The following ANO10 variants were observed in gnomAD, a reference collection of about 807,000 sequenced individuals.
ANO10 encodes anoctamin-10.
Under a neutral mutation model 74.7 loss-of-function variants are expected in ANO10, and 77 were observed. The observed-to-expected ratio is 1.03, with a 90% CI of 0.86 to 1.25. The LOEUF (loss-of-function observed/expected upper bound fraction) is 1.25. Ranked by LOEUF, ANO10 falls within the 50% of genes most tolerant of loss-of-function variation. The pLI, the probability that ANO10 is intolerant of heterozygous loss-of-function variation, is 0.00. For synonymous variants in ANO10, 279 were observed against 284.9 expected (o/e 0.98, Z 0.21); for missense variants, 721 against 778.1 (o/e 0.93, Z 0.87).
Position 43,443,679 on chromosome 3 carries a change from CT to C in ANO10, c.1798-10953del, listed in dbSNP as rs59685910. Among the ~76,000 whole-genome samples the C allele has an allele frequency of 6.6e-4, 80 of 122,018 alleles. 1 individual carries two copies. Among genetic ancestry groups the C allele is most frequent in the African/African-American group, 1.9e-3 (59 of 31,490 alleles). 80.0% of individuals were successfully genotyped at this position (122,018 alleles called of 152,430 possible). On this transcript the variant is annotated intron_variant, in intron 11 of 12. Coordinates refer to ENST00000292246, the MANE Select transcript of ANO10 (RefSeq NM_018075.5). ...TGAAAAGTATTTTACTTCCTTCCTT[CT>C]TTTTTTTTTTTTTTTTTTTGACGGA...
At chr3:43,507,664 G>C (rs2077346244) in intron 11 of ANO10, among the ~76,000 whole-genome samples, 2 of 152,078 alleles carry the variant, frequency 1.3e-5, no homozygotes, top group Non-Finnish European at 2.9e-5. Flanking sequence ...ACTCAGGAAA[G>C]GCATATCTAA....
chr3:43,410,298 T>C (rs1295991691), intron 12 of ANO10, among the ~76,000 whole-genome samples: 2 of 152,114 alleles, frequency 1.3e-5, no homozygotes, highest in African/African-American at 2.4e-5. Flanking sequence ...TCACCCAGGC[T>C]GGAGTACAGT....
Position 43,415,699 on chromosome 3 carries a change from G to A in ANO10, c.1914+16912C>T, listed in dbSNP as rs146112527. Among the ~76,000 whole-genome samples, 386 of 152,078 alleles carry A rather than the reference G, an allele frequency of 2.5e-3. 1 individual carries two copies. The highest frequency in any genetic ancestry group is 8.7e-3 in the African/African-American group (363 of 41,500). On this transcript the variant is annotated intron_variant, in intron 12 of 12. Transcript: ENST00000292246. ...TGGGATTACAGGTGCACAGCACCAC[G>A]TCTGGCTAATTTTTGAATTTTTAGT...
chr3:43,649,267 G>A (rs751219785), intron 1 of ANO10, among the ~76,000 whole-genome samples: 3 of 152,170 alleles, frequency 2.0e-5, no homozygotes, highest in Non-Finnish European at 2.9e-5. Flanking sequence ...ATAAAATGGG[G>A]TTATGTTTTG....
chr3:43,574,122 T>C (rs963112261), intron 7 of ANO10, among the ~76,000 whole-genome samples: 1 of 151,354 alleles, frequency 6.6e-6, no homozygotes, highest in Non-Finnish European at 1.5e-5. Context: ...GGTGAATTTT[T>C]TTTGTATTTT....
chr3:43,458,777 T>C (rs1044720091), intron 11 of ANO10, among the ~76,000 whole-genome samples: 1 of 152,144 alleles, frequency 6.6e-6, no homozygotes, highest in Admixed American at 6.5e-5. Context: ...CTGCATACAT[T>C]AGGGATTTGT....
chr3:43,691,226 G>T (rs1410520089), intron 1 of ANO10: 1 of 496,040 alleles, frequency 2.0e-6, no homozygotes, highest in East Asian at 3.6e-5. Flanking sequence ...CTGCCTGGGA[G>T]AGGCTCCCCT....
At chr3:43,668,532 T>C (rs1168213258) in intron 1 of ANO10, among the ~76,000 whole-genome samples, 1 of 152,192 alleles carries the variant, frequency 6.6e-6, no homozygotes, top group African/African-American at 2.4e-5. Context: ...TTTTCTGATG[T>C]TATCTTCTAG....
At chr3:43,525,770 T>C (rs918104403) in intron 11 of ANO10, among the ~76,000 whole-genome samples, 1 of 152,198 alleles carries the variant, frequency 6.6e-6, no homozygotes, top group Non-Finnish European at 1.5e-5. Context: ...GGCCCAGTTT[T>C]CAAATTTGTT....
At chr3:43,676,858 G>A (rs974649236) in intron 1 of ANO10, among the ~76,000 whole-genome samples, 6 of 151,328 alleles carry the variant, frequency 4.0e-5, no homozygotes, top group East Asian at 1.9e-4. Context: ...TTTACTTCCC[G>A]CTTTCTAAGT....
intron 9 of ANO10, among the ~76,000 whole-genome samples, chr3:43,560,336 G>A (rs760755843): frequency 2.6e-5 from 4 of 152,152 alleles, no homozygotes; most frequent in African/African-American, 4.8e-5. Context: ...TAAGGCAGAA[G>A]TGAGCAGAGA....
intron 12 of ANO10, among the ~76,000 whole-genome samples, chr3:43,371,336 G>C (rs1450387959): frequency 2.0e-5 from 3 of 152,146 alleles, no homozygotes; most frequent in Admixed American, 2.0e-4. Context: ...TGGCCACATA[G>C]GGTGTCTAGG....
chr3:43,583,690 G>A (rs193123507), intron 4 of ANO10, among the ~76,000 whole-genome samples: 69 of 152,298 alleles, frequency 4.5e-4, no homozygotes, highest in African/African-American at 1.4e-3. Flanking sequence ...ACAGATGCCC[G>A]CAGGAAGTGG....
At chr3:43,408,515 T>C (rs1390501460) in intron 12 of ANO10, among the ~76,000 whole-genome samples, 1 of 152,188 alleles carries the variant, frequency 6.6e-6, no homozygotes, top group African/African-American at 2.4e-5. Context: ...CCTTACATTT[T>C]ACTTACTGCC....
chr3:43,660,135 G>C (rs1328146612), intron 1 of ANO10, among the ~76,000 whole-genome samples: 1 of 152,186 alleles, frequency 6.6e-6, no homozygotes, highest in Non-Finnish European at 1.5e-5. Flanking sequence ...CCACAAAGAT[G>C]GGGAGAAACC....
chr3:43,490,666 GA>G (rs2076684034), intron 11 of ANO10, among the ~76,000 whole-genome samples: 1 of 152,180 alleles, frequency 6.6e-6, no homozygotes, highest in African/African-American at 2.4e-5. Context: ...AAGAAAAACA[GA>G]AACCAATTTC....
intron 4 of ANO10, among the ~76,000 whole-genome samples, chr3:43,597,847 G>C (rs920658786): frequency 3.9e-5 from 6 of 152,056 alleles, no homozygotes; most frequent in Admixed American, 2.0e-4. Context: ...GAGCCCAGGA[G>C]ATGGAGGCCA....
chr3:43,500,162 C>G (rs1243596045), intron 11 of ANO10, among the ~76,000 whole-genome samples: 1 of 152,118 alleles, frequency 6.6e-6, no homozygotes, highest in Non-Finnish European at 1.5e-5. Context: ...ACTACTAGAT[C>G]TTTTAAACAT....
At chr3:43,596,525 T>C (rs1287753425) in intron 4 of ANO10, among the ~76,000 whole-genome samples, 2 of 152,150 alleles carry the variant, frequency 1.3e-5, no homozygotes, top group African/African-American at 4.8e-5. Flanking sequence ...GGATTCCCTA[T>C]TTAATAAATG....
Sources: gnomAD v4.1 joint callset for allele counts (sites outside exome capture counted in the v4.1 genomes callset) on GRCh38, gnomAD v4.1.1 for gene constraint, MANE v1.5 for transcripts, NCBI Gene and HGNC (gene_info 2026-07-23, HGNC 2026-07-21) for gene names.